NDUFAF2: variants seen among roughly 807,000 people sequenced by gnomAD.
NDUFAF2 encodes NADH dehydrogenase [ubiquinone] 1 alpha subcomplex assembly factor 2.
In NDUFAF2, 13 loss-of-function variants were observed where a neutral mutation model predicts 22.8. The ratio of observed to expected loss-of-function variants is 0.57; its 90% CI spans 0.37 to 0.91. The LOEUF (loss-of-function observed/expected upper bound fraction) is 0.91, where lower values mean the gene tolerates loss of function less well. NDUFAF2 is among the 40% of genes least tolerant of loss of function. The probability of loss-of-function intolerance (pLI) is 0.01; values close to 1 mark genes in which losing one functional copy is unlikely to be tolerated. For synonymous variants in NDUFAF2, 53 were observed against 64.2 expected (o/e 0.83, Z 0.84); for missense variants, 162 against 195.2 (o/e 0.83, Z 1.01).
At chr5:60,984,495 T>A (rs1486655482) in intron 1 of NDUFAF2, among the ~76,000 whole-genome samples, 3 of 152,192 alleles carry the variant, frequency 2.0e-5, no homozygotes, top group Admixed American at 1.3e-4. Context: ...AGGGAATGTT[T>A]CCAGTTTTTG....
chr5:60,982,702 G>A (rs1299425103), intron 1 of NDUFAF2, among the ~76,000 whole-genome samples: 13 of 151,702 alleles, frequency 8.6e-5, no homozygotes, highest in Non-Finnish European at 1.3e-4. Flanking sequence ...TTCCAGCTTC[G>A]TCCATGTCCC....
intron 1 of NDUFAF2, among the ~76,000 whole-genome samples, chr5:61,012,652 T>C (rs1751456227): frequency 1.3e-5 from 2 of 152,052 alleles, no homozygotes; most frequent in African/African-American, 4.8e-5. Context: ...TAGTATTTCA[T>C]GTTGAGTAAA....
intron 1 of NDUFAF2, among the ~76,000 whole-genome samples, chr5:61,016,235 A>G (rs767410612): frequency 6.6e-6 from 1 of 152,126 alleles, no homozygotes; most frequent in Non-Finnish European, 1.5e-5. Flanking sequence ...TTGGGATTTA[A>G]AAGTATTATA....
chr5:61,025,931 T>C (rs1049038878), intron 1 of NDUFAF2, among the ~76,000 whole-genome samples: 138 of 152,182 alleles, frequency 9.1e-4, no homozygotes, highest in Non-Finnish European at 4.3e-4. Flanking sequence ...AATTGTTCAC[T>C]TGGGGGCAGA....
chr5:61,112,980 C>T (rs563424467), intron 3 of NDUFAF2, among the ~76,000 whole-genome samples: 3 of 151,506 alleles, frequency 2.0e-5, no homozygotes, highest in Admixed American at 2.0e-4. Context: ...CTGTAAACTG[C>T]CGACAACTTA....
At chr5:61,077,410 AC>A (rs1380611350) in intron 2 of NDUFAF2, among the ~76,000 whole-genome samples, 31 of 152,308 alleles carry the variant, frequency 2.0e-4, no homozygotes, top group African/African-American at 6.3e-4. Flanking sequence ...CTGAAAATTA[AC>A]TCTGCTTTAA....
At chr5:60,972,001 G>C (rs1750838481) in intron 1 of NDUFAF2, among the ~76,000 whole-genome samples, 1 of 145,930 alleles carries the variant, frequency 6.9e-6, no homozygotes, top group South Asian at 2.2e-4. Context: ...GGAGTGCAGT[G>C]GTGTGATCTA....
At chr5:61,078,911 GA>G (rs1215550490) in intron 2 of NDUFAF2, among the ~76,000 whole-genome samples, 1 of 152,116 alleles carries the variant, frequency 6.6e-6, no homozygotes, top group African/African-American at 2.4e-5. Flanking sequence ...CTATAATTCA[GA>G]TTGTTGTATT....
chr5:60,984,708 G>T (rs908834055), intron 1 of NDUFAF2, among the ~76,000 whole-genome samples: 4 of 152,146 alleles, frequency 2.6e-5, no homozygotes, highest in Non-Finnish European at 5.9e-5. Flanking sequence ...ATTGTTTTTT[G>T]TATGTTGAAC....
intron 2 of NDUFAF2, among the ~76,000 whole-genome samples, chr5:61,095,735 G>T (rs1006030944): frequency 3.3e-5 from 5 of 152,298 alleles, no homozygotes; most frequent in Admixed American, 6.5e-5. Context: ...AGATCCATGG[G>T]AGAAGCATGG....
At chr5:61,074,762 AAAAAG>A (rs889423256) in intron 2 of NDUFAF2, among the ~76,000 whole-genome samples, 35 of 152,276 alleles carry the variant, frequency 2.3e-4, no homozygotes, top group East Asian at 5.8e-4. Context: ...CTCCGTCTCA[AAAAAG>A]AAAAGAAAAG....
intron 1 of NDUFAF2, among the ~76,000 whole-genome samples, chr5:60,998,231 A>G (rs1443484312): frequency 6.6e-6 from 1 of 152,154 alleles, no homozygotes; most frequent in Non-Finnish European, 1.5e-5. Context: ...AACATTTGAT[A>G]GTGTCCTTTG....
intron 1 of NDUFAF2, chr5:61,050,625 T>A (rs1385485679): frequency 6.6e-6 from 1 of 152,178 alleles, no homozygotes; most frequent in African/African-American, 2.4e-5. Context: ...AACTACTGAC[T>A]TGGTGTAGTA....
At chr5:61,057,844 T>C (rs1050202407) in intron 1 of NDUFAF2, among the ~76,000 whole-genome samples, 2 of 152,208 alleles carry the variant, frequency 1.3e-5, no homozygotes, top group African/African-American at 4.8e-5. Context: ...TTATGTGATC[T>C]CCTTCTATAT....
chr5:61,034,087 A>G (rs984276927), intron 1 of NDUFAF2, among the ~76,000 whole-genome samples: 7 of 152,180 alleles, frequency 4.6e-5, no homozygotes, highest in Non-Finnish European at 8.8e-5. Flanking sequence ...ATTTGGATGC[A>G]TATTCTAATT....
chr5:61,125,255 A>G (rs1218958572), intron 3 of NDUFAF2, among the ~76,000 whole-genome samples: 1 of 152,008 alleles, frequency 6.6e-6, no homozygotes. Flanking sequence ...AATTGTTACC[A>G]TTTCCTCTCC....
chr5:61,078,145 G>A (rs955706672), intron 2 of NDUFAF2, among the ~76,000 whole-genome samples: 3 of 152,030 alleles, frequency 2.0e-5, no homozygotes, highest in Admixed American at 2.0e-4. Context: ...CTCCAATCAT[G>A]ACATTTAACA....
At chr5:60,985,784 C>T (rs755491760) in intron 1 of NDUFAF2, among the ~76,000 whole-genome samples, 35 of 152,220 alleles carry the variant, frequency 2.3e-4, no homozygotes, top group Admixed American at 1.3e-3. Context: ...ATCATGAGAT[C>T]GGCTCAGGAA....
intron 3 of NDUFAF2, among the ~76,000 whole-genome samples, chr5:61,134,423 C>T (rs1386623349): frequency 6.6e-6 from 1 of 152,186 alleles, no homozygotes. Context: ...CGGTGGCTCA[C>T]GCCTGTAATC....
Sources: allele counts gnomAD v4.1 joint callset (sites outside exome capture counted in the v4.1 genomes callset), GRCh38; gene constraint gnomAD v4.1.1; transcripts MANE v1.5; gene names NCBI Gene and HGNC (gene_info 2026-07-23, HGNC 2026-07-21).